The following HDAC9 variants were observed in gnomAD, a reference collection of about 807,000 sequenced individuals.
The protein encoded by HDAC9 is histone deacetylase 9, also known as MEF-2 interacting transcription repressor (MITR) protein.
HDAC9 carries 41 observed loss-of-function variants against 139.4 expected under a neutral mutation model. The observed-to-expected ratio is 0.29, with a 90% CI of 0.23 to 0.38. HDAC9 has a LOEUF of 0.38. Ranked by LOEUF, HDAC9 falls within the 10% of genes least tolerant of loss-of-function variation. HDAC9 has a pLI of 1.00. For synonymous variants in HDAC9, 517 were observed against 476.2 expected (o/e 1.09, Z -1.12); for missense variants, 1,147 against 1,297.0 (o/e 0.88, Z 1.78).
At chr7:18,126,939 A>G (rs748977042) in intron 1 of HDAC9, among the ~76,000 whole-genome samples, 4 of 152,194 alleles carry the variant, frequency 2.6e-5, no homozygotes, top group Non-Finnish European at 4.4e-5. Context: ...TTTCTAATCC[A>G]AGTTAGCTCC....
intron 21 of HDAC9, among the ~76,000 whole-genome samples, chr7:18,864,826 C>T (rs1382524637): frequency 6.6e-6 from 1 of 151,220 alleles, no homozygotes; most frequent in East Asian, 2.0e-4. Context: ...GGAGTTGGAA[C>T]GGTGGTGATG....
intron 1 of HDAC9, among the ~76,000 whole-genome samples, chr7:18,294,432 T>TG (rs140092524): frequency 0.02 from 3,033 of 152,230 alleles, 104 homozygotes; most frequent in African/African-American, 0.069. Context: ...CTATAGTCTT[T>TG]GGGGGATCAA....
At chr7:18,390,915 C>G (rs1276055313) in intron 1 of HDAC9, among the ~76,000 whole-genome samples, 2 of 152,112 alleles carry the variant, frequency 1.3e-5, no homozygotes, top group Non-Finnish European at 2.9e-5. Flanking sequence ...ATGATGAGAT[C>G]CTGTCTCTAC....
At chr7:18,437,591 A>C (rs1791328713) in intron 1 of HDAC9, among the ~76,000 whole-genome samples, 1 of 149,758 alleles carries the variant, frequency 6.7e-6, no homozygotes, top group Admixed American at 6.7e-5. Flanking sequence ...TATATATATA[A>C]ACTTTATATA....
intron 11 of HDAC9, among the ~76,000 whole-genome samples, chr7:18,649,943 A>T (rs1281447476): frequency 6.6e-6 from 1 of 152,022 alleles, no homozygotes; most frequent in Non-Finnish European, 1.5e-5. Flanking sequence ...TGCATTGCAG[A>T]CCCTTTCTGT....
intron 1 of HDAC9, among the ~76,000 whole-genome samples, chr7:18,156,374 A>C (rs1787204033): frequency 1.3e-5 from 2 of 152,174 alleles, no homozygotes; most frequent in Admixed American, 1.3e-4. Flanking sequence ...CACCCATCCC[A>C]CCTGGGTTTG....
chr7:18,979,082 C>A (rs996297902), intron 25 of HDAC9, among the ~76,000 whole-genome samples: 2 of 151,988 alleles, frequency 1.3e-5, no homozygotes, highest in Non-Finnish European at 2.9e-5. Context: ...ATTTAACTTT[C>A]AACTTTTGGC....
intron 25 of HDAC9, among the ~76,000 whole-genome samples, chr7:18,980,817 G>T (rs543717576): frequency 1.4e-3 from 146 of 103,948 alleles, no homozygotes; most frequent in Admixed American, 1.7e-3. Context: ...CTTCTCCTCC[G>T]TCTCCTTCTT....
Position 18,360,867 on chromosome 7 carries a change from T to G in HDAC9, c.-42+70352T>G, listed in dbSNP as rs545650974. Among the ~76,000 whole-genome samples, 4 of 152,336 alleles carry G rather than the reference T, an allele frequency of 2.6e-5. No homozygotes were observed. The South Asian group carries it at 8.3e-4, about 32-fold the overall frequency. On this transcript the variant is annotated intron_variant, in intron 1 of 3. Coordinates refer to the HDAC9 transcript ENST00000413509. ...ATAGTTGAATGATTGATTTTCATAC[T>G]AGACAAATAATGATCAATGGGTAAA...
At chr7:18,799,904 A>G (rs890743457) in intron 17 of HDAC9, among the ~76,000 whole-genome samples, 1 of 152,192 alleles carries the variant, frequency 6.6e-6, no homozygotes, top group African/African-American at 2.4e-5. Flanking sequence ...TAATCAACAT[A>G]TTCATGAAGC....
chr7:18,374,773 A>G (rs969109872), intron 1 of HDAC9, among the ~76,000 whole-genome samples: 16 of 152,120 alleles, frequency 1.1e-4, no homozygotes, highest in African/African-American at 3.9e-4. Flanking sequence ...TGGCAGCATA[A>G]TATACAGTCA....
chr7:18,917,916 A>G (rs1407302022), intron 22 of HDAC9, among the ~76,000 whole-genome samples: 1 of 151,992 alleles, frequency 6.6e-6, no homozygotes, highest in Non-Finnish European at 1.5e-5. Context: ...CTGATTACCA[A>G]ACTGAGCAGT....
At chr7:18,613,552 G>GA (rs1209035841) in intron 6 of HDAC9, among the ~76,000 whole-genome samples, 3 of 151,800 alleles carry the variant, frequency 2.0e-5, no homozygotes, top group African/African-American at 4.8e-5. Flanking sequence ...CAATGAAATA[G>GA]AAAAAAACAA....
chr7:18,726,301 A>C (rs971397919), intron 12 of HDAC9, among the ~76,000 whole-genome samples: 3 of 152,186 alleles, frequency 2.0e-5, no homozygotes, highest in Non-Finnish European at 4.4e-5. Context: ...CTTGAGTGAA[A>C]ATACAGGATG....
At chr7:18,252,346 G>A (rs1222688924) in intron 2 of HDAC9, among the ~76,000 whole-genome samples, 1 of 152,100 alleles carries the variant, frequency 6.6e-6, no homozygotes, top group Non-Finnish European at 1.5e-5. Context: ...CTCTCTTCAT[G>A]GGTAACAGAT....
chr7:18,900,968 ATGCTTTATAC>A (rs1285185647), intron 22 of HDAC9, among the ~76,000 whole-genome samples: 4 of 152,024 alleles, frequency 2.6e-5, no homozygotes, highest in Non-Finnish European at 5.9e-5. Flanking sequence ...CTCCATTTGC[ATGCTTTATAC>A]TGTTTTTGAA....
intron 22 of HDAC9, among the ~76,000 whole-genome samples, chr7:18,933,643 G>GT (rs5882686): frequency 0.84 from 128,347 of 151,924 alleles, 54,546 homozygotes; most frequent in Admixed American, 0.92. Flanking sequence ...ATTAATAAAA[G>GT]TTTTTAAAAA....
chr7:18,174,419 T>C (rs759479145), intron 2 of HDAC9, among the ~76,000 whole-genome samples: 1 of 152,346 alleles, frequency 6.6e-6, no homozygotes, highest in Non-Finnish European at 1.5e-5. Context: ...TGGAGAAGTT[T>C]GTTATTACTG....
chr7:18,763,865 C>A (rs1789599744), intron 15 of HDAC9, among the ~76,000 whole-genome samples: 1 of 152,020 alleles, frequency 6.6e-6, no homozygotes, highest in Non-Finnish European at 1.5e-5. Flanking sequence ...ATCAACCTTC[C>A]AACTTTATTG....
Sources: gnomAD v4.1 joint callset for allele counts (sites outside exome capture counted in the v4.1 genomes callset) on GRCh38, gnomAD v4.1.1 for gene constraint, MANE v1.5 for transcripts, NCBI Gene and HGNC (gene_info 2026-07-23, HGNC 2026-07-21) for gene names.